The following KCNQ5 variants were observed in gnomAD, a reference collection of about 807,000 sequenced individuals.
KCNQ5 encodes potassium voltage-gated channel subfamily KQT member 5.
In KCNQ5, 30 loss-of-function variants were observed where a neutral mutation model predicts 98.2. That is an observed-to-expected ratio of 0.31 (90% CI 0.23 to 0.41). KCNQ5 has a LOEUF of 0.41. Among genes scored for constraint, KCNQ5 ranks in the 10% least tolerant of loss-of-function variants. KCNQ5 has a pLI of 1.00. For synonymous variants in KCNQ5, 458 were observed against 449.4 expected (o/e 1.02, Z -0.24); for missense variants, 835 against 1,182.5 (o/e 0.71, Z 4.31).
intron 7 of KCNQ5, among the ~76,000 whole-genome samples, chr6:73,116,927 T>C (rs1281052512): frequency 6.6e-6 from 1 of 152,162 alleles, no homozygotes; most frequent in African/African-American, 2.4e-5. Context: ...GGATCAAACA[T>C]GCCATAATGG....
intron 1 of KCNQ5, among the ~76,000 whole-genome samples, chr6:72,788,989 C>A (rs1723156286): frequency 6.6e-6 from 1 of 152,172 alleles, no homozygotes; most frequent in Admixed American, 6.5e-5. Flanking sequence ...AGAGGAGATA[C>A]TTTTAACCTT....
At chr6:72,777,986 T>A (rs996267356) in intron 1 of KCNQ5, among the ~76,000 whole-genome samples, 3 of 152,158 alleles carry the variant, frequency 2.0e-5, no homozygotes, top group Non-Finnish European at 4.4e-5. Flanking sequence ...GGCAGTAGGA[T>A]AATCAACTCT....
chr6:72,996,236 T>C (rs1037288849), intron 1 of KCNQ5, among the ~76,000 whole-genome samples: 1 of 152,244 alleles, frequency 6.6e-6, no homozygotes, highest in African/African-American at 2.4e-5. Flanking sequence ...TGGGACACTA[T>C]TACTATTTGT....
intron 1 of KCNQ5, among the ~76,000 whole-genome samples, chr6:72,777,682 T>C (rs1561976737): frequency 6.6e-6 from 1 of 152,212 alleles, no homozygotes; most frequent in Non-Finnish European, 1.5e-5. Flanking sequence ...TACACACATA[T>C]AATCAAGAGG....
intron 10 of KCNQ5, among the ~76,000 whole-genome samples, chr6:73,134,569 A>G (rs1776387851): frequency 6.6e-6 from 1 of 152,236 alleles, no homozygotes; most frequent in African/African-American, 2.4e-5. Context: ...CTGGAACCGC[A>G]GTCCACGGGT....
chr6:73,152,202 T>A (rs575367352), intron 10 of KCNQ5, among the ~76,000 whole-genome samples: 53 of 152,058 alleles, frequency 3.5e-4, no homozygotes, highest in Admixed American at 1.1e-3. Flanking sequence ...GAATATCTTA[T>A]TGGGTTTTTT....
At chr6:72,975,975 A>G (rs555109546) in intron 1 of KCNQ5, among the ~76,000 whole-genome samples, 1 of 152,360 alleles carries the variant, frequency 6.6e-6, no homozygotes, top group East Asian at 1.9e-4. Context: ...TGAATCATGT[A>G]GGTCTAATCA....
At chr6:72,902,072 T>C (rs993883811) in intron 1 of KCNQ5, among the ~76,000 whole-genome samples, 1 of 152,154 alleles carries the variant, frequency 6.6e-6, no homozygotes, top group Admixed American at 6.5e-5. Flanking sequence ...CCTCCTCGGT[T>C]AGGTATATTC....
intron 1 of KCNQ5, among the ~76,000 whole-genome samples, chr6:72,828,301 C>T (rs912859539): frequency 2.6e-5 from 4 of 152,058 alleles, no homozygotes; most frequent in African/African-American, 9.7e-5. Flanking sequence ...TGCATTGAAT[C>T]TGTAGATTGC....
chr6:73,152,277 A>G (rs1187955891), intron 10 of KCNQ5, among the ~76,000 whole-genome samples: 1 of 152,108 alleles, frequency 6.6e-6, no homozygotes, highest in Non-Finnish European at 1.5e-5. Context: ...TAATAAAGAT[A>G]TGAAAATCTG....
chr6:72,977,672 G>T (rs1416283559), intron 1 of KCNQ5, among the ~76,000 whole-genome samples: 1 of 152,076 alleles, frequency 6.6e-6, no homozygotes, highest in East Asian at 1.9e-4. Flanking sequence ...CAGTGAGAGA[G>T]ACCTTCCCTG....
chr6:73,070,891 A>G (rs1178688294), intron 3 of KCNQ5, among the ~76,000 whole-genome samples: 3 of 152,186 alleles, frequency 2.0e-5, no homozygotes, highest in Non-Finnish European at 4.4e-5. Context: ...AGCTACCTTT[A>G]CCACAAAGAC....
chr6:72,802,025 G>C (rs1472231342), intron 1 of KCNQ5, among the ~76,000 whole-genome samples: 1 of 152,048 alleles, frequency 6.6e-6, no homozygotes. Flanking sequence ...TCCCTTTGAG[G>C]GTAACCCGAC....
chr6:72,622,467 C>T lies in KCNQ5; in HGVS notation c.278C>T (p.Pro93Leu). Residue 93 changes from proline (P) to leucine (L), a missense_variant, in exon 1 of 14, where the codon CCG becomes CTG. Transcript: ENST00000370398. The surrounding 1 kb of genome is among the most constrained non-coding windows in gnomAD (Gnocchi z 6.0). ...GCCCGGATGAGCCTGCTGGGGAAGCCGCTCTCTTACACGAGTAGCCAGAGC... is the reference window on the plus strand; with the variant it reads ...GCCCGGATGAGCCTGCTGGGGAAGCTGCTCTCTTACACGAGTAGCCAGAGC... ...QGARMSLLGK[P>L]LSYTSSQSCR... 1 of 1,600,140 alleles carries T rather than the reference C, an allele frequency of 6.2e-7. No individual in the cohort carries two copies. The highest frequency in any genetic ancestry group is 8.5e-7 in the Non-Finnish European group (1 of 1,173,976).
At chr6:72,956,753 C>A (rs564201463) in intron 1 of KCNQ5, among the ~76,000 whole-genome samples, 1 of 151,520 alleles carries the variant, frequency 6.6e-6, no homozygotes, top group Non-Finnish European at 1.5e-5. Context: ...CCTATGTATT[C>A]AACAGATTAA....
chr6:72,635,193 A>AT (rs111843592), intron 1 of KCNQ5, among the ~76,000 whole-genome samples: 25,969 of 149,754 alleles, frequency 0.17, 2,485 homozygotes, highest in Middle Eastern at 0.26. Context: ...TGCCCAGCTA[A>AT]TTTTTTTTTT....
intron 3 of KCNQ5, among the ~76,000 whole-genome samples, chr6:73,074,426 T>A (rs933735874): frequency 4.6e-5 from 7 of 152,330 alleles, no homozygotes; most frequent in African/African-American, 1.2e-4. Flanking sequence ...TCTCGTCTGA[T>A]CTGAATTACA....
rs1396567616 is a variant in KCNQ5, at chr6:73,195,170, G to A, written c.2555G>A (p.Ser852Asn). 3 of 1,614,222 alleles carry A rather than the reference G, an allele frequency of 1.9e-6. No individual in the cohort carries two copies. Among genetic ancestry groups the A allele is most frequent in the Middle Eastern group, 1.6e-4 (1 of 6,062 alleles). The change falls in exon 14 of 14, where the codon AGT becomes AAT. Residue 852 changes from serine (S) to asparagine (N), a missense_variant. Coordinates refer to ENST00000370398, the MANE Select transcript of KCNQ5 (RefSeq NM_019842.4). ...ATACAACTTTCAGGGAGTGAGTCAAGTGGCTCCAGAGGCAGCCAAGATTTT... is the reference window on the plus strand; with the variant it reads ...ATACAACTTTCAGGGAGTGAGTCAAATGGCTCCAGAGGCAGCCAAGATTTT... ...LNIQLSGSES[S>N]GSRGSQDFYP...
chr6:72,830,389 T>C (rs997071128), intron 1 of KCNQ5, among the ~76,000 whole-genome samples: 7 of 152,120 alleles, frequency 4.6e-5, no homozygotes, highest in African/African-American at 1.2e-4. Flanking sequence ...AACAGAGATA[T>C]AGACCAATGG....
Sources: allele counts gnomAD v4.1 joint callset (sites outside exome capture counted in the v4.1 genomes callset), GRCh38; gene constraint gnomAD v4.1.1; non-coding constraint Gnocchi (gnomAD v3.1); transcripts MANE v1.5; gene names NCBI Gene and HGNC (gene_info 2026-07-23, HGNC 2026-07-21).